Variants in ADAMTS10 observed in about 807,000 individuals in gnomAD.
The protein encoded by ADAMTS10 is ADAM metallopeptidase with thrombospondin type 1 motif 10, also known as A disintegrin and metalloproteinase with thrombospondin motifs 10.
ADAMTS10 carries 48 observed loss-of-function variants against 135.9 expected under a neutral mutation model. The ratio of observed to expected loss-of-function variants is 0.35; its 90% CI spans 0.28 to 0.45. The LOEUF (loss-of-function observed/expected upper bound fraction) is 0.45. ADAMTS10 is among the 20% of genes least tolerant of loss of function. The probability of loss-of-function intolerance (pLI) is 1.00; values close to 1 mark genes in which losing one functional copy is unlikely to be tolerated. For missense variants in ADAMTS10, 1,131 were observed against 1,565.2 expected (o/e 0.72, Z 4.68); for synonymous variants, 621 against 647.5 (o/e 0.96, Z 0.62).
At chr19:8,595,142 G>A (rs1261843844) in intron 12 of ADAMTS10, among the ~76,000 whole-genome samples, 1 of 152,148 alleles carries the variant, frequency 6.6e-6, no homozygotes, top group Non-Finnish European at 1.5e-5. Context: ...CAGAGGAGGA[G>A]CAGATCCTGG....
intron 12 of ADAMTS10, chr19:8,593,602 C>G (rs1431130387): frequency 2.0e-5 from 3 of 152,368 alleles, no homozygotes; most frequent in Non-Finnish European, 4.4e-5. Context: ...ATGGGCTGAA[C>G]TAGTCCCAGG....
At chr19:8,594,035 A>G (rs1260545633) in intron 12 of ADAMTS10, among the ~76,000 whole-genome samples, 1 of 152,206 alleles carries the variant, frequency 6.6e-6, no homozygotes, top group Non-Finnish European at 1.5e-5. Flanking sequence ...TATAGAGGAC[A>G]TTTCTCAGCT....
intron 25 of ADAMTS10, among the ~76,000 whole-genome samples, chr19:8,583,753 G>T (rs112492989): frequency 0.029 from 4,327 of 151,748 alleles, 213 homozygotes; most frequent in African/African-American, 0.098. Context: ...GGGAGACTTG[G>T]GGCTGAGACA....
At chr19:8,582,621 C>T (rs1217473584) in intron 25 of ADAMTS10, 1 of 151,790 alleles carries the variant, frequency 6.6e-6, no homozygotes, top group African/African-American at 2.4e-5. Context: ...CATCTAGCGG[C>T]CAGTGATTTA....
Position 8,586,039 on chromosome 19 carries a change from C to T in ADAMTS10, c.2660+83G>A, listed in dbSNP as rs1169510385. 1.1e-5 allele frequency: 18 copies of T among 1,603,016 alleles called. No homozygotes were observed. The Admixed American group carries it at 2.2e-4, about 19-fold the overall frequency. On this transcript the variant is annotated intron_variant, in intron 22 of 25. Coordinates refer to ENST00000597188, the MANE Select transcript of ADAMTS10 (RefSeq NM_030957.4). Reference sequence around the variant, plus strand: ...CTCCGACTCTGCACTAATCTGCTCCCCACCCCCCTGGAGCACTCGCTCTTG... The same window carrying T: ...CTCCGACTCTGCACTAATCTGCTCCTCACCCCCCTGGAGCACTCGCTCTTG...
Position 8,605,542 on chromosome 19 carries a change from T to G in ADAMTS10, c.88+81A>C. Reference sequence around the variant, plus strand: ...CCCATTGACCCCCATCCCAGCCCCCTGATGCCTCTTTCTGTTGGAGCCCAA... The same window carrying G: ...CCCATTGACCCCCATCCCAGCCCCCGGATGCCTCTTTCTGTTGGAGCCCAA... On this transcript the variant is annotated intron_variant, in intron 3 of 25. Transcript: ENST00000597188. The surrounding 1 kb of genome is among the most constrained non-coding windows in gnomAD (Gnocchi z 7.7). 5.9e-5 allele frequency: 59 copies of G among 999,104 alleles called. No homozygotes were observed. Among genetic ancestry groups the G allele is most frequent in the Non-Finnish European group, 7.4e-5 (52 of 704,490 alleles). The allele number at this position is 999,104 out of a possible 1,614,324, so 61.9% of individuals were successfully genotyped here. A position where few individuals can be genotyped will look rare whatever the true frequency, so the allele number is the denominator to read the frequency against.
Position 8,596,686 on chromosome 19 carries a change from C to A in ADAMTS10, c.1041-101G>T, listed in dbSNP as rs781872602. The A allele has an allele frequency of 4.2e-6, 6 of 1,427,692 alleles. No homozygotes were observed. Among genetic ancestry groups the A allele is most frequent in the Non-Finnish European group, 4.8e-6 (5 of 1,037,478 alleles). 88.4% of individuals were successfully genotyped at this position (1,427,692 alleles called of 1,614,324 possible). ...TGGGGGTTGAGTCCTGCCTTGGAGG[C>A]GCCATCTGCCTCTCACCTGAAGCTG... On this transcript the variant is annotated intron_variant, in intron 8 of 25. Transcript: ENST00000597188. The surrounding 1 kb of genome is among the most constrained non-coding windows in gnomAD (Gnocchi z 7.2).
At chr19:8,592,461 G>A (rs2042548757) in intron 13 of ADAMTS10, among the ~76,000 whole-genome samples, 1 of 152,094 alleles carries the variant, frequency 6.6e-6, no homozygotes, top group Non-Finnish European at 1.5e-5. Flanking sequence ...GGCCAATGAG[G>A]GAGAGAGCAA....
At chr19:8,595,710 C>A in intron 12 of ADAMTS10, 52 bp downstream of exon 12, 9 of 1,385,634 alleles carry the variant, frequency 6.5e-6, no homozygotes, top group Non-Finnish European at 9.0e-6. Context: ...CCTCCCCCAG[C>A]CCCAGCGGCC....
chr19:8,595,659 C>G, intron 12 of ADAMTS10, 103 bp downstream of exon 12: 4 of 1,551,710 alleles, frequency 2.6e-6, no homozygotes, highest in South Asian at 1.1e-5. Context: ...TCCCGGTTCT[C>G]CCACCCCCTC....
intron 1 of ADAMTS10, among the ~76,000 whole-genome samples, chr19:8,608,762 C>T (rs1364087021): frequency 3.9e-5 from 6 of 152,054 alleles, no homozygotes; most frequent in Admixed American, 6.6e-5. Context: ...TGAAGTGAGG[C>T]GCTCCTCCCA....
At chr19:8,586,100 A>T (rs782820188) in intron 22 of ADAMTS10, 22 bp downstream of exon 22, 36 of 1,612,262 alleles carry the variant, frequency 2.2e-5, no homozygotes, top group Non-Finnish European at 3.0e-5. Context: ...CCTGAGCAAC[A>T]CTGCCCCCTG....
Position 8,601,326 on chromosome 19 carries a change from C to T in ADAMTS10, c.593-181G>A, listed in dbSNP as rs2042667450. ...CTACCTGTGTGATGGTCTGTCTGCC[C>T]AATGGGCTGCCAAACACCTCATCGT... On this transcript the variant is annotated intron_variant, in intron 5 of 25. Coordinates refer to ENST00000597188, the MANE Select transcript of ADAMTS10 (RefSeq NM_030957.4). This position sits in a 1 kb window ranked among gnomAD's most constrained non-coding sequence, Gnocchi z 4.6. Among the ~76,000 whole-genome samples the T allele has an allele frequency of 6.6e-6, 1 of 152,038 alleles. No individual in the cohort carries two copies. Among genetic ancestry groups the T allele is most frequent in the East Asian group, 1.9e-4 (1 of 5,194 alleles).
chr19:8,582,194 G>A (rs1196359638), intron 25 of ADAMTS10, among the ~76,000 whole-genome samples: 1 of 152,208 alleles, frequency 6.6e-6, no homozygotes, highest in Non-Finnish European at 1.5e-5. Context: ...GATAGGCCGG[G>A]CATGGTGGCT....
intron 12 of ADAMTS10, chr19:8,593,514 G>A (rs73922163): frequency 0.041 from 6,392 of 154,380 alleles, 334 homozygotes; most frequent in African/African-American, 0.13. Flanking sequence ...GGACAATGCC[G>A]AGTTAGGTCT....
chr19:8,604,985 C>T (rs1555742196), intron 4 of ADAMTS10, 27 bp downstream of exon 4: 1 of 1,567,578 alleles, frequency 6.4e-7, no homozygotes, highest in South Asian at 1.2e-5. Context: ...GGGCATTTCC[C>T]CCCGCGTTCC....
chr19:8,592,320 T>C (rs2042545408), intron 13 of ADAMTS10: 2 of 924,094 alleles, frequency 2.2e-6, no homozygotes, highest in Non-Finnish European at 1.6e-6. Flanking sequence ...CACAGGGTGC[T>C]TAACGGGGAG....
chr19:8,597,402 C>G (rs1555740526), intron 6 of ADAMTS10, 85 bp from the exon 7 acceptor site: 12 of 1,232,268 alleles, frequency 9.7e-6, no homozygotes, highest in Non-Finnish European at 1.3e-5. Context: ...TAACAGCTTG[C>G]TTTCATCAGG....
At chr19:8,585,419 G>C in intron 23 of ADAMTS10, 37 bp downstream of exon 23, 1 of 1,537,202 alleles carries the variant, frequency 6.5e-7, no homozygotes, top group Non-Finnish European at 8.7e-7. Context: ...ACCCCACCTG[G>C]GCATCCCAGT....
Sources: allele counts gnomAD v4.1 joint callset (sites outside exome capture counted in the v4.1 genomes callset), GRCh38; gene constraint gnomAD v4.1.1; non-coding constraint Gnocchi (gnomAD v3.1); transcripts MANE v1.5; gene names NCBI Gene and HGNC (gene_info 2026-07-23, HGNC 2026-07-21).